The following CCSER1 variants were observed in gnomAD, a reference collection of about 807,000 sequenced individuals.
CCSER1 encodes coiled-coil serine rich protein 1.
CCSER1 carries 41 observed loss-of-function variants against 82.0 expected under a neutral mutation model. The observed-to-expected ratio is 0.50, with a 90% CI of 0.39 to 0.65. The LOEUF is 0.65. Among genes scored for constraint, CCSER1 ranks in the 30% least tolerant of loss-of-function variants. The pLI, the probability that CCSER1 is intolerant of heterozygous loss-of-function variation, is 0.00. For synonymous variants in CCSER1, 414 were observed against 383.9 expected, an observed-to-expected ratio of 1.08 and a Z score of -0.92; for missense variants, 1,119 against 1,064.2, an observed-to-expected ratio of 1.05 and a Z score of -0.72.
At chr4:90,797,458 G>A (rs1434924559) in intron 7 of CCSER1, among the ~76,000 whole-genome samples, 1 of 152,044 alleles carries the variant, frequency 6.6e-6, no homozygotes, top group Non-Finnish European at 1.5e-5. Context: ...CCTTTTAACT[G>A]GGGAATTTAG....
chr4:91,396,222 A>T (rs1467762175), intron 10 of CCSER1, among the ~76,000 whole-genome samples: 2 of 152,140 alleles, frequency 1.3e-5, no homozygotes, highest in African/African-American at 4.8e-5. Flanking sequence ...ATATTGAGGT[A>T]ACCATTATGC....
chr4:91,582,373 G>A (rs1006995199), intron 10 of CCSER1, among the ~76,000 whole-genome samples: 18 of 151,470 alleles, frequency 1.2e-4, no homozygotes, highest in Non-Finnish European at 2.1e-4. Context: ...TTGTAATGCA[G>A]GATTTATACA....
At chr4:90,569,690 G>C (rs72887419) in intron 5 of CCSER1, among the ~76,000 whole-genome samples, 1,928 of 152,278 alleles carry the variant, frequency 0.013, 38 homozygotes, top group African/African-American at 0.044. Context: ...GCTGCATTGC[G>C]TTGTTTCAGC....
At chr4:91,487,487 A>G (rs1045416893) in intron 10 of CCSER1, among the ~76,000 whole-genome samples, 6 of 152,188 alleles carry the variant, frequency 3.9e-5, no homozygotes, top group African/African-American at 1.4e-4. Flanking sequence ...AGATAAAGTA[A>G]AAGTTCTAAT....
intron 10 of CCSER1, among the ~76,000 whole-genome samples, chr4:91,369,269 C>T (rs145269281): frequency 8.5e-4 from 130 of 152,262 alleles, no homozygotes; most frequent in African/African-American, 2.9e-3. Context: ...CCTTCAGCCT[C>T]GGCGATGAAA....
intron 9 of CCSER1, among the ~76,000 whole-genome samples, chr4:91,045,417 A>G (rs1187723613): frequency 6.6e-6 from 1 of 152,178 alleles, no homozygotes; most frequent in Non-Finnish European, 1.5e-5. Flanking sequence ...CATTTTCACA[A>G]TTAGGTTTCT....
At chr4:91,417,028 A>G (rs972637130) in intron 10 of CCSER1, among the ~76,000 whole-genome samples, 3 of 152,190 alleles carry the variant, frequency 2.0e-5, no homozygotes, top group East Asian at 1.9e-4. Context: ...GAACAACCCC[A>G]TTAAAAAATG....
chr4:90,215,106 G>T (rs940257548), intron 1 of CCSER1, among the ~76,000 whole-genome samples: 1 of 152,050 alleles, frequency 6.6e-6, no homozygotes, highest in African/African-American at 2.4e-5. Flanking sequence ...TGGTTGAATA[G>T]AATTCTATCA....
chr4:90,348,834 A>G (rs1453140715), intron 3 of CCSER1, among the ~76,000 whole-genome samples: 3 of 152,194 alleles, frequency 2.0e-5, no homozygotes, highest in Admixed American at 6.5e-5. Flanking sequence ...TGCCCTAAGC[A>G]ACGGTCTTAA....
chr4:90,949,619 T>C (rs1732668161), intron 9 of CCSER1, among the ~76,000 whole-genome samples: 1 of 152,162 alleles, frequency 6.6e-6, no homozygotes, highest in Non-Finnish European at 1.5e-5. Context: ...ATAAGTGCCA[T>C]GTCCTTCATG....
At chr4:90,424,962 C>G (rs550159864) in intron 4 of CCSER1, among the ~76,000 whole-genome samples, 161 of 152,290 alleles carry the variant, frequency 1.1e-3, no homozygotes, top group African/African-American at 3.7e-3. Flanking sequence ...TTTACCTGTT[C>G]TTAATTCTCA....
intron 5 of CCSER1, among the ~76,000 whole-genome samples, chr4:90,485,845 A>G (rs1766948042): frequency 6.6e-6 from 1 of 151,932 alleles, no homozygotes; most frequent in African/African-American, 2.4e-5. Flanking sequence ...AATTATCTCC[A>G]GCTCCATGCA....
intron 9 of CCSER1, among the ~76,000 whole-genome samples, chr4:91,058,575 T>G (rs1201269127): frequency 6.6e-6 from 1 of 152,100 alleles, no homozygotes; most frequent in Admixed American, 6.6e-5. Flanking sequence ...TTCTCATTAT[T>G]ATTTACTCAA....
intron 10 of CCSER1, among the ~76,000 whole-genome samples, chr4:91,231,845 G>C (rs770679810): frequency 7.2e-5 from 11 of 151,754 alleles, no homozygotes; most frequent in Non-Finnish European, 1.2e-4. Flanking sequence ...TACTTCAGTA[G>C]GAGACCATGA....
intron 8 of CCSER1, among the ~76,000 whole-genome samples, chr4:90,842,073 T>G (rs917691978): frequency 6.6e-6 from 1 of 152,312 alleles, no homozygotes; most frequent in Admixed American, 6.5e-5. Flanking sequence ...TAGTTTATGC[T>G]CAGTAAATGT....
intron 8 of CCSER1, chr4:90,911,257 C>A (rs552862365): frequency 8.8e-6 from 4 of 455,990 alleles, no homozygotes; most frequent in African/African-American, 8.0e-5. Context: ...CTTGATAGCT[C>A]CCGAAAATTT....
At chr4:90,255,381 A>G (rs1393164687) in intron 1 of CCSER1, among the ~76,000 whole-genome samples, 1 of 152,154 alleles carries the variant, frequency 6.6e-6, no homozygotes, top group Non-Finnish European at 1.5e-5. Flanking sequence ...ATGATTAATG[A>G]TATCAAGCCA....
intron 3 of CCSER1, among the ~76,000 whole-genome samples, chr4:90,359,901 A>ATATATATGTGTGTGTG (rs1207841347): frequency 0.011 from 417 of 38,856 alleles, 8 homozygotes; most frequent in African/African-American, 0.041. Context: ...GTGTGTGTAT[A>ATATATATGTGTGTGTG]TATATATATA....
chr4:90,417,827 C>T (rs1376789943), intron 4 of CCSER1, among the ~76,000 whole-genome samples: 1 of 152,036 alleles, frequency 6.6e-6, no homozygotes, highest in Non-Finnish European at 1.5e-5. Context: ...AGAGATGAAA[C>T]CCTAGTGGTT....
Sources: allele counts gnomAD v4.1 joint callset (sites outside exome capture counted in the v4.1 genomes callset), GRCh38; gene constraint gnomAD v4.1.1; transcripts MANE v1.5; gene names NCBI Gene and HGNC (gene_info 2026-07-23, HGNC 2026-07-21).